The following MORN5 variants were observed in gnomAD, a reference collection of about 807,000 sequenced individuals.
The protein encoded by MORN5 is MORN repeat-containing protein 5.
A neutral mutation model predicts 22.1 loss-of-function variants in MORN5; 21 were observed. That is an observed-to-expected ratio of 0.95 (90% CI 0.67 to 1.37). The LOEUF is 1.37. Among genes scored for constraint, MORN5 ranks in the 40% most tolerant of loss-of-function variants. The pLI is 0.00. For missense variants in MORN5, 211 were observed against 215.1 expected (o/e 0.98, Z 0.12); for synonymous variants, 73 against 74.0 (o/e 0.99, Z 0.07).
intron 4 of MORN5, among the ~76,000 whole-genome samples, chr9:122,188,308 G>A (rs182002530): frequency 5.3e-5 from 8 of 152,322 alleles, no homozygotes; most frequent in Admixed American, 5.2e-4. Context: ...GGTAAGCTCG[G>A]GAAGACACCT....
intron 4 of MORN5, among the ~76,000 whole-genome samples, chr9:122,181,940 A>C (rs2118768438): frequency 6.6e-6 from 1 of 152,310 alleles, no homozygotes; most frequent in East Asian, 1.9e-4. Context: ...GGAGAGAAAG[A>C]AGTGAGTTAG....
rs530207522 is a variant in MORN5, at chr9:122,169,734, C to T, written c.285C>T (p.Ile95=). Residue 95 remains isoleucine (I), a synonymous_variant, in exon 3 of 5, where the codon ATC becomes ATT. Coordinates refer to ENST00000373764, the MANE Select transcript of MORN5 (RefSeq NM_198469.4). ...DGYDRRFYTE[I]LNGLKPAGMA... The stretch of plus-strand genomic sequence containing the variant: ...ATGATCGGAGGTTTTACACAGAGAT[C>T]CTCAATGGCTTGAAGCCTGCAGGTA... 148 of 1,613,672 alleles carry T rather than the reference C, an allele frequency of 9.2e-5. 2 individuals carry two copies. The South Asian group carries it at 1.5e-3, about 17-fold the overall frequency.
At position 122,166,079 on chromosome 9, in the gene MORN5, T is replaced by C. The variant is rs533873626; in HGVS notation, c.48-689T>C. On this transcript the variant is annotated intron_variant, in intron 1 of 4. Transcript: ENST00000373764. ...TTACATGGCAGCAGGCAAGAGAGCA[T>C]GTTCAGGGGAATTGCCCTTTATAAA... Among the ~76,000 whole-genome samples the C allele has an allele frequency of 5.9e-5, 9 of 152,086 alleles. No homozygotes were observed. The East Asian group carries it at 1.7e-3, about 29-fold the overall frequency.
intron 4 of MORN5, among the ~76,000 whole-genome samples, chr9:122,187,860 T>C (rs1829670495): frequency 6.6e-6 from 1 of 152,148 alleles, no homozygotes; most frequent in African/African-American, 2.4e-5. Context: ...CATCAGTGTG[T>C]CCCAAGCTAT....
At chr9:122,171,330 G>A (rs1470414296) in intron 3 of MORN5, among the ~76,000 whole-genome samples, 7 of 152,162 alleles carry the variant, frequency 4.6e-5, no homozygotes, top group Admixed American at 2.0e-4. Flanking sequence ...TTGACCGGGT[G>A]AGCCGCCTTC....
intron 4 of MORN5, among the ~76,000 whole-genome samples, chr9:122,184,902 T>C (rs1829589600): frequency 6.6e-6 from 1 of 152,156 alleles, no homozygotes; most frequent in South Asian, 2.1e-4. Context: ...AGTTTACTAG[T>C]GCAAGAAAGA....
chr9:122,199,949 C>T lies in MORN5; in HGVS notation c.*18C>T, dbSNP rs1407861155. 1 of 1,613,894 alleles carries T rather than the reference C, an allele frequency of 6.2e-7. No individual in the cohort carries two copies. Among genetic ancestry groups the T allele is most frequent in the Non-Finnish European group, 8.5e-7 (1 of 1,179,784 alleles). Reference sequence around the variant, plus strand: ...AGGGCTAGGATGAGATCGTGGGTCACAGGCCCGAGCCGTGAACTCTGTGGC... The same window carrying T: ...AGGGCTAGGATGAGATCGTGGGTCATAGGCCCGAGCCGTGAACTCTGTGGC... On this transcript the variant is annotated 3_prime_UTR_variant, in exon 5 of 5. Transcript: ENST00000373764.
At chr9:122,190,059 C>A (rs924589466) in intron 4 of MORN5, among the ~76,000 whole-genome samples, 1 of 151,478 alleles carries the variant, frequency 6.6e-6, no homozygotes, top group Non-Finnish European at 1.5e-5. Flanking sequence ...ACGGCTCCCA[C>A]CTGAGACAAC....
chr9:122,182,152 G>C (rs745611978), intron 4 of MORN5, among the ~76,000 whole-genome samples: 3 of 152,208 alleles, frequency 2.0e-5, no homozygotes, highest in African/African-American at 7.2e-5. Context: ...CCATCCTGCT[G>C]TCTCTTCTGC....
At chr9:122,174,385 CA>C in intron 3 of MORN5, 110 bp from the exon 4 acceptor site, 3 of 1,278,196 alleles carry the variant, frequency 2.3e-6, no homozygotes, top group Non-Finnish European at 3.3e-6. Context: ...TTTAGTTCAA[CA>C]GGGGAGCCAG....
At position 122,169,655 on chromosome 9, in the gene MORN5, C is replaced by A. The variant is rs377753435; in HGVS notation, c.206C>A (p.Thr69Lys). 8.1e-6 allele frequency: 13 copies of A among 1,613,092 alleles called. No individual in the cohort carries two copies. In the South Asian group the frequency reaches 1.1e-4, roughly 14 times the overall value. Residue 69 changes from threonine (T) to lysine (K), a missense_variant, in exon 3 of 5, where the codon ACG becomes AAG. By Grantham distance (78) the Thr-to-Lys change is moderately conservative (BLOSUM62 -1). Coordinates refer to ENST00000373764, the MANE Select transcript of MORN5 (RefSeq NM_198469.4). ...CTCCTTGTCTTCCAGGGCACATATACGTTCTCAGATGGGCTGCACTATGAT... is the reference window on the plus strand; with the variant it reads ...CTCCTTGTCTTCCAGGGCACATATAAGTTCTCAGATGGGCTGCACTATGAT... ...ENGLAIKGTY[T>K]FSDGLHYDEK...
chr9:122,192,036 C>CCTCA (rs1205352687), intron 4 of MORN5, among the ~76,000 whole-genome samples: 3 of 152,218 alleles, frequency 2.0e-5, no homozygotes, highest in Admixed American at 2.0e-4. Flanking sequence ...CCTGGTCAGT[C>CCTCA]CTCACTCTGC....
chr9:122,174,633 T>C lies in MORN5; in HGVS notation c.439+6T>C. 1.2e-6 allele frequency: 2 copies of C among 1,614,060 alleles called. No individual in the cohort carries two copies. The highest frequency in any genetic ancestry group is 2.2e-5 in the South Asian group (2 of 91,078). ...CCGCTTTCTAAGAAACGCAGGTAGG[T>C]TTCTTCCGACACTGCAGCACGTTTT... On this transcript the variant is annotated splice_donor_region_variant and intron_variant, in intron 4 of 4. Coordinates refer to ENST00000373764, the MANE Select transcript of MORN5 (RefSeq NM_198469.4).
intron 1 of MORN5, among the ~76,000 whole-genome samples, 171 bp from the exon 2 acceptor site, chr9:122,166,597 C>T (rs1829286463): frequency 6.6e-6 from 1 of 152,034 alleles, no homozygotes; most frequent in South Asian, 2.1e-4. Flanking sequence ...CCCCTCTTTT[C>T]GTTTTTGAGC....
At position 122,188,556 on chromosome 9, in the gene MORN5, G is replaced by A. The variant is rs2118778849; in HGVS notation, c.440-11329G>A. On this transcript the variant is annotated intron_variant, in intron 4 of 4. Transcript: ENST00000373764. ...GGTCCATCGTCCACTTGCAGCCAGG[G>A]ATTAGGGGCCAAAAGAAGCAGAGGG... Among the ~76,000 whole-genome samples, 2 of 152,372 alleles carry A rather than the reference G, an allele frequency of 1.3e-5. 1 individual carries two copies. The highest frequency in any genetic ancestry group is 4.1e-4 in the South Asian group (2 of 4,834).
At chr9:122,162,514 T>C (rs958551964) in intron 1 of MORN5, among the ~76,000 whole-genome samples, 2 of 152,130 alleles carry the variant, frequency 1.3e-5, no homozygotes, top group African/African-American at 4.8e-5. Context: ...CACAAAGACA[T>C]GTATACAAGT....
In MORN5 at chr9:122,180,149, A is replaced by G. The variant is rs776854391; in HGVS notation, c.439+5522A>G. Among the ~76,000 whole-genome samples, 35 of 152,162 alleles carry G rather than the reference A, an allele frequency of 2.3e-4. 1 individual carries two copies. Among genetic ancestry groups the G allele is most frequent in the South Asian group, 4.1e-4 (2 of 4,830 alleles). On this transcript the variant is annotated intron_variant, in intron 4 of 4. Coordinates refer to ENST00000373764, the MANE Select transcript of MORN5 (RefSeq NM_198469.4). ...CTTTGGGGTTCAGGGCAGGCAACAT[A>G]TTCTCTCTAACTATAGCTCTCAAAC...
At chr9:122,172,341 G>T (rs1339957130) in intron 3 of MORN5, among the ~76,000 whole-genome samples, 1 of 150,384 alleles carries the variant, frequency 6.6e-6, no homozygotes, top group Non-Finnish European at 1.5e-5. Context: ...TCAAGATAAG[G>T]TTTCAAATTC....
intron 4 of MORN5, among the ~76,000 whole-genome samples, chr9:122,198,623 G>A (rs1183525470): frequency 2.0e-5 from 3 of 152,270 alleles, no homozygotes; most frequent in South Asian, 2.1e-4. Flanking sequence ...AGCAGGACTC[G>A]TTGACCCTCC....
Sources: gnomAD v4.1 joint callset for allele counts (sites outside exome capture counted in the v4.1 genomes callset) on GRCh38, gnomAD v4.1.1 for gene constraint, MANE v1.5 for transcripts, NCBI Gene and HGNC (gene_info 2026-07-23, HGNC 2026-07-21) for gene names.